GRID2: variants seen among roughly 807,000 people sequenced by gnomAD.
The protein encoded by GRID2 is glutamate ionotropic receptor delta type subunit 2.
Under a neutral mutation model 114.8 loss-of-function variants are expected in GRID2, and 33 were observed. The observed-to-expected ratio is 0.29, with a 90% CI of 0.22 to 0.38. The LOEUF (loss-of-function observed/expected upper bound fraction) is 0.38. Among genes scored for constraint, GRID2 ranks in the 10% least tolerant of loss-of-function variants. GRID2 has a pLI of 1.00. For missense variants in GRID2, 1,184 were observed against 1,257.7 expected (o/e 0.94, Z 0.89); for synonymous variants, 505 against 449.9 (o/e 1.12, Z -1.55).
At chr4:93,339,768 G>GT (rs1759456319) in intron 8 of GRID2, among the ~76,000 whole-genome samples, 1 of 152,126 alleles carries the variant, frequency 6.6e-6, no homozygotes, top group Non-Finnish European at 1.5e-5. Context: ...TTGACTCACA[G>GT]TTCAGCATGG....
chr4:92,981,928 G>C (rs373234284), intron 2 of GRID2, among the ~76,000 whole-genome samples: 1 of 149,642 alleles, frequency 6.7e-6, no homozygotes, highest in Non-Finnish European at 1.5e-5. Flanking sequence ...AGTGAACGTT[G>C]CTGAGTTTGC....
chr4:93,210,431 C>G (rs1040801067), intron 5 of GRID2, among the ~76,000 whole-genome samples: 1 of 152,104 alleles, frequency 6.6e-6, no homozygotes, highest in African/African-American at 2.4e-5. Context: ...GCAATCTGTT[C>G]TGCTGCATTC....
intron 2 of GRID2, among the ~76,000 whole-genome samples, chr4:92,865,900 A>G (rs989245864): frequency 6.6e-6 from 1 of 152,222 alleles, no homozygotes; most frequent in African/African-American, 2.4e-5. Context: ...AAATACAAAC[A>G]TCGTTATCAT....
intron 2 of GRID2, among the ~76,000 whole-genome samples, chr4:92,604,852 T>C (rs1315280084): frequency 6.6e-6 from 1 of 151,906 alleles, no homozygotes; most frequent in Non-Finnish European, 1.5e-5. Context: ...TCCACCCAAA[T>C]CTCATTTTGA....
At position 93,241,353 on chromosome 4, in the gene GRID2, A is replaced by G. The variant is rs1162853768; in HGVS notation, c.1245+2863A>G. 5.9e-5 allele frequency among the ~76,000 whole-genome samples: 9 copies of G among 151,738 alleles called. 1 individual carries two copies. In the East Asian group the frequency reaches 1.7e-3, roughly 29 times the overall value. On this transcript the variant is annotated intron_variant, in intron 8 of 15. Coordinates refer to ENST00000282020, the MANE Select transcript of GRID2 (RefSeq NM_001510.4). ...ACCTTCTAGGGATGATGTTGAATGG[A>G]AATAACAGTAGTAGGCATTTTTGGA...
intron 2 of GRID2, among the ~76,000 whole-genome samples, chr4:92,709,587 A>ATATAT (rs1296707680): frequency 9.2e-4 from 110 of 119,860 alleles, no homozygotes; most frequent in African/African-American, 3.4e-3. Context: ...AAAAAAAAAA[A>ATATAT]AAATATATAT....
At chr4:93,302,865 G>A (rs1366471159) in intron 8 of GRID2, among the ~76,000 whole-genome samples, 1 of 152,132 alleles carries the variant, frequency 6.6e-6, no homozygotes, top group East Asian at 1.9e-4. Context: ...GGCTTTTTTA[G>A]CAAAAGCTGA....
chr4:93,618,250 T>C (rs1578411646), intron 13 of GRID2, among the ~76,000 whole-genome samples: 1 of 152,248 alleles, frequency 6.6e-6, no homozygotes, highest in South Asian at 2.1e-4. Context: ...GTGCTCTTCT[T>C]ACTTTTCTGT....
At chr4:92,440,595 C>T (rs1028209903) in intron 1 of GRID2, among the ~76,000 whole-genome samples, 1 of 152,070 alleles carries the variant, frequency 6.6e-6, no homozygotes, top group African/African-American at 2.4e-5. Context: ...AAGTTATTTC[C>T]TTGAGGATAG....
chr4:93,222,876 T>A (rs988094927), intron 6 of GRID2, among the ~76,000 whole-genome samples: 4 of 152,108 alleles, frequency 2.6e-5, no homozygotes, highest in African/African-American at 9.7e-5. Flanking sequence ...GTATGTTTAT[T>A]GCGGCACTAC....
Position 93,373,935 on chromosome 4 carries a change from G to T in GRID2, c.1246-21672G>T, listed in dbSNP as rs749313044. Among the ~76,000 whole-genome samples, 5 of 143,428 alleles carry T rather than the reference G, an allele frequency of 3.5e-5. No homozygotes were observed. In the East Asian group the frequency reaches 1.1e-3, roughly 30 times the overall value. The allele number at this position is 143,428 out of a possible 152,430, so 94.1% of individuals were successfully genotyped here. ...TTGAAATAAGTGCTAAATTTCCAAA[G>T]ATTGATCTACACTACAGAAGGCTTA... On this transcript the variant is annotated intron_variant, in intron 8 of 15. Coordinates refer to ENST00000282020, the MANE Select transcript of GRID2 (RefSeq NM_001510.4).
intron 2 of GRID2, among the ~76,000 whole-genome samples, chr4:92,990,705 T>G (rs1030815611): frequency 6.6e-6 from 1 of 151,832 alleles, no homozygotes; most frequent in South Asian, 2.1e-4. Context: ...TTGAAATGAC[T>G]GAAGAAAAAA....
At chr4:92,651,924 T>G (rs1731953622) in intron 2 of GRID2, among the ~76,000 whole-genome samples, 1 of 152,058 alleles carries the variant, frequency 6.6e-6, no homozygotes, top group African/African-American at 2.4e-5. Flanking sequence ...TCTGTCAACT[T>G]TCATAGAACA....
At chr4:93,047,584 C>G (rs1467297800) in intron 2 of GRID2, among the ~76,000 whole-genome samples, 1 of 151,950 alleles carries the variant, frequency 6.6e-6, no homozygotes, top group Non-Finnish European at 1.5e-5. Flanking sequence ...TTCACTTAAT[C>G]TCTCCACACA....
chr4:93,405,561 G>T (rs1212669827), intron 9 of GRID2, among the ~76,000 whole-genome samples: 2 of 152,080 alleles, frequency 1.3e-5, no homozygotes, highest in Admixed American at 6.6e-5. Context: ...CTTGTCTCTA[G>T]ACATTTAGAA....
chr4:92,532,772 T>G (rs1725415692), intron 1 of GRID2, among the ~76,000 whole-genome samples: 1 of 152,168 alleles, frequency 6.6e-6, no homozygotes, highest in Non-Finnish European at 1.5e-5. Flanking sequence ...ATTTTGCCAT[T>G]TTTTAAATTT....
At position 92,500,392 on chromosome 4, in the gene GRID2, A is replaced by G. The variant is rs796673675; in HGVS notation, c.89-89739A>G. On this transcript the variant is annotated intron_variant, in intron 1 of 15. Transcript: ENST00000282020. ...CTACAAAAGTTAAATTCTTTTAAAA[A>G]AAAACATATTTTTATTCACATTCCT... Among the ~76,000 whole-genome samples the G allele has an allele frequency of 7.7e-3, 1,172 of 152,232 alleles. 11 individuals carry two copies. The highest frequency in any genetic ancestry group is 0.026 in the African/African-American group (1,071 of 41,538).
chr4:92,845,769 C>G (rs755960946), intron 2 of GRID2, among the ~76,000 whole-genome samples: 1 of 152,030 alleles, frequency 6.6e-6, no homozygotes, highest in Non-Finnish European at 1.5e-5. Flanking sequence ...CCAAGAAACT[C>G]GCTTCATCAT....
intron 14 of GRID2, among the ~76,000 whole-genome samples, chr4:93,658,983 G>A (rs2149734127): frequency 1.3e-5 from 2 of 152,228 alleles, no homozygotes; most frequent in South Asian, 2.1e-4. Flanking sequence ...CCAGGGCCCT[G>A]GAGCAAGCAT....
Sources: allele counts gnomAD v4.1 joint callset (sites outside exome capture counted in the v4.1 genomes callset), GRCh38; gene constraint gnomAD v4.1.1; transcripts MANE v1.5; gene names NCBI Gene and HGNC (gene_info 2026-07-23, HGNC 2026-07-21).